ULK4: variants seen among roughly 807,000 people sequenced by gnomAD.
The protein encoded by ULK4 is unc-51 like kinase 4.
ULK4 carries 133 observed loss-of-function variants against 160.6 expected under a neutral mutation model. That is an observed-to-expected ratio of 0.83 (90% CI 0.72 to 0.96). The LOEUF (loss-of-function observed/expected upper bound fraction) is 0.96. ULK4 is among the 40% of genes least tolerant of loss of function. The probability of loss-of-function intolerance (pLI) is 0.00; values close to 1 mark genes in which losing one functional copy is unlikely to be tolerated. For missense variants in ULK4, 1,580 were observed against 1,499.5 expected, an observed-to-expected ratio of 1.05 and a Z score of -0.89; for synonymous variants, 534 against 539.8, an observed-to-expected ratio of 0.99 and a Z score of 0.15.
At chr3:41,953,304 A>ATATATATT (rs1181182812) in intron 2 of ULK4, among the ~76,000 whole-genome samples, 7 of 124,814 alleles carry the variant, frequency 5.6e-5, no homozygotes, top group African/African-American at 2.2e-4. Flanking sequence ...ATATATATAT[A>ATATATATT]TTTTTTTTTT....
chr3:41,742,156 C>T (rs1487558345), intron 22 of ULK4, among the ~76,000 whole-genome samples: 1 of 151,840 alleles, frequency 6.6e-6, no homozygotes, highest in East Asian at 1.9e-4. Context: ...TCTACCTTAA[C>T]CCACCCCCAG....
chr3:41,649,100 C>T (rs986318020), intron 30 of ULK4, among the ~76,000 whole-genome samples: 2 of 151,818 alleles, frequency 1.3e-5, no homozygotes, highest in African/African-American at 4.8e-5. Flanking sequence ...TGCACTCCAG[C>T]CTGGGTGACA....
At chr3:41,835,226 T>A (rs73830519) in intron 18 of ULK4, among the ~76,000 whole-genome samples, 10,993 of 152,082 alleles carry the variant, frequency 0.072, 1,252 homozygotes, top group African/African-American at 0.24. Context: ...AACAAAGAAA[T>A]ACAATGACAT....
rs149173958 is a variant in ULK4 at position 41,339,433 on chromosome 3, C to T, written c.3678+58646G>A. Among the ~76,000 whole-genome samples, 353 of 152,256 alleles carry T rather than the reference C, an allele frequency of 2.3e-3. 3 individuals are homozygous for T. Among genetic ancestry groups the T allele is most frequent in the African/African-American group, 8.0e-3 (331 of 41,542 alleles). On this transcript the variant is annotated intron_variant, in intron 35 of 36. Coordinates refer to ENST00000301831, the MANE Select transcript of ULK4 (RefSeq NM_017886.4). ...AAATTCTAAGGATGAATCCAGCACT[C>T]CCTGTGGAATCAGGATGAAGCCACC...
At chr3:41,821,680 T>A (rs1439085438) in intron 18 of ULK4, among the ~76,000 whole-genome samples, 1 of 152,108 alleles carries the variant, frequency 6.6e-6, no homozygotes, top group African/African-American at 2.4e-5. Context: ...CTGAATAGGG[T>A]CACGGTATCT....
intron 35 of ULK4, among the ~76,000 whole-genome samples, chr3:41,386,656 T>G (rs1298255629): frequency 2.0e-5 from 3 of 152,180 alleles, no homozygotes; most frequent in Admixed American, 2.0e-4. Flanking sequence ...CTCAGAGACC[T>G]ATACTCAATT....
Position 41,299,801 on chromosome 3 carries a change from T to A in ULK4, c.3679-50227A>T, listed in dbSNP as rs907026891. On this transcript the variant is annotated intron_variant, in intron 35 of 36. Transcript: ENST00000301831. ...CTGTATTTATTATAATAATCACTAA[T>A]AGCTACAAAATATTCCACTGAAGGA... 2.0e-5 allele frequency among the ~76,000 whole-genome samples: 3 copies of A among 152,218 alleles called. No individual in the cohort carries two copies. The East Asian group carries it at 5.8e-4, about 29-fold the overall frequency.
At chr3:41,563,782 G>T (rs1309856737) in intron 32 of ULK4, among the ~76,000 whole-genome samples, 2 of 152,084 alleles carry the variant, frequency 1.3e-5, no homozygotes, top group Non-Finnish European at 2.9e-5. Context: ...AAGGTTTTTA[G>T]CTTCCTGGAG....
intron 22 of ULK4, among the ~76,000 whole-genome samples, chr3:41,733,433 C>A (rs1424544062): frequency 6.6e-6 from 1 of 151,954 alleles, no homozygotes. Context: ...TGTGGTGACA[C>A]TTCAATAAAG....
At chr3:41,413,073 A>T (rs139088524) in intron 34 of ULK4, among the ~76,000 whole-genome samples, 2 of 152,300 alleles carry the variant, frequency 1.3e-5, no homozygotes, top group Non-Finnish European at 2.9e-5. Flanking sequence ...GGGAGGCCTC[A>T]CAATCATGGC....
chr3:41,827,912 C>A (rs978988680), intron 18 of ULK4, among the ~76,000 whole-genome samples: 2 of 152,038 alleles, frequency 1.3e-5, no homozygotes, highest in African/African-American at 4.8e-5. Flanking sequence ...AAAATACGGG[C>A]AAACCAAATC....
chr3:41,310,951 C>A (rs2080036103), intron 35 of ULK4, among the ~76,000 whole-genome samples: 1 of 151,766 alleles, frequency 6.6e-6, no homozygotes, highest in Non-Finnish European at 1.5e-5. Flanking sequence ...TGTGATCATG[C>A]CACTGCACTC....
chr3:41,947,829 C>CA (rs1700157423), intron 2 of ULK4, among the ~76,000 whole-genome samples: 1 of 152,084 alleles, frequency 6.6e-6, no homozygotes, highest in Non-Finnish European at 1.5e-5. Flanking sequence ...ATCATAAGCT[C>CA]AAAAGTACAG....
chr3:41,850,927 T>C (rs1298522188), intron 17 of ULK4, among the ~76,000 whole-genome samples: 1 of 152,136 alleles, frequency 6.6e-6, no homozygotes, highest in Admixed American at 6.6e-5. Flanking sequence ...TCTTCTAGGG[T>C]TTTTATGGTT....
intron 21 of ULK4, among the ~76,000 whole-genome samples, chr3:41,774,955 A>G (rs1310709197): frequency 6.7e-6 from 1 of 150,314 alleles, no homozygotes; most frequent in Non-Finnish European, 1.5e-5. Context: ...CATCATTCTC[A>G]GTAAACTATT....
At chr3:41,795,557 TATA>T (rs1422457921) in intron 20 of ULK4, among the ~76,000 whole-genome samples, 4 of 152,312 alleles carry the variant, frequency 2.6e-5, no homozygotes, top group South Asian at 4.1e-4. Flanking sequence ...TGTATGACAT[TATA>T]ATAAAATAAA....
chr3:41,875,870 G>C (rs1697278497), intron 17 of ULK4, among the ~76,000 whole-genome samples: 2 of 149,038 alleles, frequency 1.3e-5, no homozygotes, highest in African/African-American at 4.9e-5. Flanking sequence ...TTAATCAAAT[G>C]ATCAAAGTAG....
chr3:41,593,223 C>T (rs1009514990), intron 31 of ULK4, among the ~76,000 whole-genome samples: 2 of 152,168 alleles, frequency 1.3e-5, no homozygotes, highest in African/African-American at 4.8e-5. Flanking sequence ...ACACAACTAC[C>T]CACTTTGCTG....
chr3:41,334,867 G>A (rs1183149011), intron 35 of ULK4, among the ~76,000 whole-genome samples: 1 of 152,226 alleles, frequency 6.6e-6, no homozygotes, highest in Non-Finnish European at 1.5e-5. Flanking sequence ...TAGAGATAAA[G>A]AAAACTCAAA....
Sources: allele counts gnomAD v4.1 joint callset (sites outside exome capture counted in the v4.1 genomes callset), GRCh38; gene constraint gnomAD v4.1.1; transcripts MANE v1.5; gene names NCBI Gene and HGNC (gene_info 2026-07-23, HGNC 2026-07-21).